TYR: variants seen among roughly 807,000 people sequenced by gnomAD.
The protein encoded by TYR is tyrosinase.
In TYR, 58 loss-of-function variants were observed where a neutral mutation model predicts 51.5. The ratio of observed to expected loss-of-function variants is 1.13; its 90% CI spans 0.91 to 1.40. The LOEUF is 1.40. TYR is among the 40% of genes most tolerant of loss of function. TYR has a pLI of 0.00. For synonymous variants in TYR, 263 were observed against 235.2 expected, an observed-to-expected ratio of 1.12 and a Z score of -1.08; for missense variants, 732 against 647.4, an observed-to-expected ratio of 1.13 and a Z score of -1.42.
intron 3 of TYR, among the ~76,000 whole-genome samples, chr11:89,247,490 C>T (rs1253942561): frequency 6.6e-6 from 1 of 152,104 alleles, no homozygotes; most frequent in African/African-American, 2.4e-5. Context: ...GTTCCTACAA[C>T]AATGTAGCTG....
chr11:89,291,931 T>A (rs1383635522), intron 4 of TYR, among the ~76,000 whole-genome samples: 1 of 152,032 alleles, frequency 6.6e-6, no homozygotes, highest in Non-Finnish European at 1.5e-5. Context: ...CAAATCCACA[T>A]CTAGGAATTT....
chr11:89,278,464 T>C lies in TYR; in HGVS notation c.1185-6309T>C, dbSNP rs190967244. ...TTAAATATATGAATGAATAAATAAATAAAAAGGTCTTCTATTACATATGTG... is the reference window on the plus strand; with the variant it reads ...TTAAATATATGAATGAATAAATAAACAAAAAGGTCTTCTATTACATATGTG... On this transcript the variant is annotated intron_variant, in intron 3 of 4. Coordinates refer to ENST00000263321, the MANE Select transcript of TYR (RefSeq NM_000372.5). Among the ~76,000 whole-genome samples, 140 of 151,786 alleles carry C rather than the reference T, an allele frequency of 9.2e-4. 2 individuals are homozygous for C. Among genetic ancestry groups the C allele is most frequent in the Non-Finnish European group, 7.1e-4 (48 of 67,764 alleles).
At chr11:89,199,990 G>T (rs1314234128) in intron 2 of TYR, among the ~76,000 whole-genome samples, 1 of 151,982 alleles carries the variant, frequency 6.6e-6, no homozygotes, top group African/African-American at 2.4e-5. Flanking sequence ...CACTTCCTTG[G>T]GATAAGTCTT....
Position 89,227,948 on chromosome 11 carries a change from CT to C in TYR, c.1164del (p.His389ThrfsTer96), listed in dbSNP as rs281865522. ...QGSANDPIFL[L>X]HHAFVDSIFE... ...ATCTGCCAACGATCCTATCTTCCTT[CT>C]TCACCATGCATTTGTTGACAGGTTG... On this transcript the variant is annotated frameshift_variant, in exon 3 of 5. Transcript: ENST00000263321. LOFTEE classifies it high-confidence loss of function. 6.2e-6 allele frequency: 10 copies of C among 1,613,460 alleles called. No homozygotes were observed. Among genetic ancestry groups the C allele is most frequent in the Non-Finnish European group, 8.5e-6 (10 of 1,179,672 alleles).
At chr11:89,179,814 C>T (rs1244574242) in intron 1 of TYR, among the ~76,000 whole-genome samples, 2 of 152,066 alleles carry the variant, frequency 1.3e-5, no homozygotes, top group East Asian at 3.9e-4. Flanking sequence ...AAATGGTAAC[C>T]AAAGAAATAT....
intron 2 of TYR, among the ~76,000 whole-genome samples, chr11:89,196,415 A>G (rs564081714): frequency 7.9e-5 from 12 of 152,170 alleles, no homozygotes; most frequent in Non-Finnish European, 1.6e-4. Context: ...TCTGTTACCC[A>G]AAAGGGAAAA....
At position 89,263,714 on chromosome 11, in the gene TYR, A is replaced by C. The variant is rs1339254587; in HGVS notation, c.1185-21059A>C. ...AACATTAGCAATAAACAAACTGAAA[A>C]GGAAATTAAGAAAACAATTTCAGTA... is the stretch of plus-strand genomic sequence containing the variant. On this transcript the variant is annotated intron_variant, in intron 3 of 4. Transcript: ENST00000263321. Among the ~76,000 whole-genome samples, 6 of 152,212 alleles carry C rather than the reference A, an allele frequency of 3.9e-5. No homozygotes were observed. In the East Asian group the frequency reaches 1.2e-3, roughly 29 times the overall value.
chr11:89,196,030 T>C (rs1438275871), intron 2 of TYR, among the ~76,000 whole-genome samples: 1 of 152,214 alleles, frequency 6.6e-6, no homozygotes, highest in African/African-American at 2.4e-5. Flanking sequence ...ACCTTGGGTA[T>C]GTTATTTAAC....
chr11:89,260,255 A>G (rs1236437699), intron 3 of TYR, among the ~76,000 whole-genome samples: 1 of 151,878 alleles, frequency 6.6e-6, no homozygotes, highest in East Asian at 1.9e-4. Context: ...AAATGCAAAA[A>G]AAAAAAAAAA....
intron 3 of TYR, among the ~76,000 whole-genome samples, chr11:89,263,352 A>AT (rs1168562878): frequency 1.3e-5 from 2 of 152,122 alleles, no homozygotes; most frequent in Non-Finnish European, 2.9e-5. Context: ...GAGCTTTCTC[A>AT]TTTTGATAAA....
intron 1 of TYR, among the ~76,000 whole-genome samples, chr11:89,188,520 G>A (rs971583468): frequency 3.9e-5 from 6 of 152,036 alleles, no homozygotes; most frequent in African/African-American, 1.4e-4. Context: ...AGTAGGGAGA[G>A]ATGATTCTGA....
chr11:89,256,721 C>T (rs766402294), intron 3 of TYR, among the ~76,000 whole-genome samples: 19 of 151,762 alleles, frequency 1.3e-4, no homozygotes, highest in African/African-American at 4.6e-4. Flanking sequence ...ATATTAGAAT[C>T]TAATAGTTTT....
Position 89,295,508 on chromosome 11 carries a change from C to T in TYR, c.*142C>T, listed in dbSNP as rs565641224. On this transcript the variant is annotated 3_prime_UTR_variant, in exon 5 of 5. Transcript: ENST00000263321. Reference sequence around the variant, plus strand: ...GTAACCTAATACAAAGTGTAGCCTTCTTCCAACTCAGGTAGAACACACCTG... The same window carrying T: ...GTAACCTAATACAAAGTGTAGCCTTTTTCCAACTCAGGTAGAACACACCTG... 1.8e-6 allele frequency: 2 copies of T among 1,088,924 alleles called. No homozygotes were observed. The highest frequency in any genetic ancestry group is 5.2e-5 in the East Asian group (2 of 38,590). 67.5% of individuals were successfully genotyped at this position (1,088,924 alleles called of 1,614,324 possible). A position where few individuals can be genotyped will look rare whatever the true frequency, so the allele number is the denominator to read the frequency against.
chr11:89,279,464 T>C (rs1409336740), intron 3 of TYR, among the ~76,000 whole-genome samples: 1 of 151,666 alleles, frequency 6.6e-6, no homozygotes, highest in East Asian at 1.9e-4. Context: ...CTCAGTCTAT[T>C]ACATTAGATC....
chr11:89,185,880 A>G (rs1163249389), intron 1 of TYR, among the ~76,000 whole-genome samples: 1 of 152,198 alleles, frequency 6.6e-6, no homozygotes, highest in Non-Finnish European at 1.5e-5. Flanking sequence ...TATTTTTATC[A>G]TAGTTTATTC....
intron 3 of TYR, among the ~76,000 whole-genome samples, chr11:89,230,633 T>C (rs988931639): frequency 4.6e-5 from 7 of 152,050 alleles, no homozygotes; most frequent in Non-Finnish European, 1.5e-5. Flanking sequence ...ACTATACCTC[T>C]GATAAGGGGT....
intron 2 of TYR, among the ~76,000 whole-genome samples, chr11:89,196,772 A>G (rs1305225425): frequency 6.6e-6 from 1 of 152,198 alleles, no homozygotes; most frequent in Non-Finnish European, 1.5e-5. Flanking sequence ...TTGGGATAAC[A>G]CCACCATGTG....
chr11:89,249,280 T>G (rs1188248659), intron 3 of TYR, among the ~76,000 whole-genome samples: 1 of 151,894 alleles, frequency 6.6e-6, no homozygotes, highest in Non-Finnish European at 1.5e-5. Context: ...TAGCATTATT[T>G]AAAATCAATG....
chr11:89,203,185 G>A (rs943781587), intron 2 of TYR, among the ~76,000 whole-genome samples: 1 of 152,168 alleles, frequency 6.6e-6, no homozygotes, highest in African/African-American at 2.4e-5. Context: ...ATTACACCAT[G>A]AGACAGGTTT....
Sources: gnomAD v4.1 joint callset for allele counts (sites outside exome capture counted in the v4.1 genomes callset) on GRCh38, gnomAD v4.1.1 for gene constraint, MANE v1.5 for transcripts, NCBI Gene and HGNC (gene_info 2026-07-23, HGNC 2026-07-21) for gene names.